PAM: variants seen among roughly 807,000 people sequenced by gnomAD.
The protein encoded by PAM is peptidyl-glycine alpha-amidating monooxygenase.
In PAM, 72 loss-of-function variants were observed where a neutral mutation model predicts 122.1. The observed-to-expected ratio is 0.59, with a 90% confidence interval of 0.49 to 0.72. The LOEUF is 0.72. Among genes scored for constraint, PAM ranks in the 30% least tolerant of loss-of-function variants. The probability of loss-of-function intolerance (pLI) is 0.00; values close to 1 mark genes in which losing one functional copy is unlikely to be tolerated. For missense variants in PAM, 1,106 were observed against 1,183.7 expected (o/e 0.93, Z 0.96); for synonymous variants, 389 against 404.4 (o/e 0.96, Z 0.46).
At chr5:102,937,997 A>C (rs1321732960) in intron 7 of PAM, among the ~76,000 whole-genome samples, 2 of 152,158 alleles carry the variant, frequency 1.3e-5, no homozygotes, top group Non-Finnish European at 2.9e-5. Context: ...AGATATTTCT[A>C]AATCAGGTTG....
At chr5:103,007,733 C>G (rs1178841890) in intron 20 of PAM, 76 bp downstream of exon 20, 1 of 892,096 alleles carries the variant, frequency 1.1e-6, no homozygotes, top group East Asian at 2.5e-5. Flanking sequence ...TCTTAATGTG[C>G]TCTTTTTATA....
rs992164109 is a variant in PAM at position 103,019,738 on chromosome 5, A to C, written c.2432-52A>C. 4 of 1,192,334 alleles carry C rather than the reference A, an allele frequency of 3.4e-6. No homozygotes were observed. In the East Asian group the frequency reaches 9.3e-5, roughly 28 times the overall value. The allele number at this position is 1,192,334 out of a possible 1,614,324, so 73.9% of individuals were successfully genotyped here. A position where few individuals can be genotyped will look rare whatever the true frequency, so the allele number is the denominator to read the frequency against. On this transcript the variant is annotated intron_variant, in intron 22 of 25. Coordinates refer to ENST00000438793, the MANE Select transcript of PAM (RefSeq NM_001177306.2). ...ATTAATATCAAAGTTAAATTTTCAA[A>C]TGTTCTTTTTGGAGATTCTGACTTT...
chr5:102,783,796 A>G (rs1759697303), intron 1 of PAM, among the ~76,000 whole-genome samples: 1 of 152,192 alleles, frequency 6.6e-6, no homozygotes, highest in South Asian at 2.1e-4. Flanking sequence ...GTCAGGGAGC[A>G]TACCAGCTGG....
At chr5:102,878,537 C>A (rs1295387254) in intron 3 of PAM, among the ~76,000 whole-genome samples, 1 of 152,042 alleles carries the variant, frequency 6.6e-6, no homozygotes, top group Admixed American at 6.6e-5. Flanking sequence ...GAGCCTCCAG[C>A]AGGTCCTTCA....
chr5:102,758,091 T>C lies in PAM; in HGVS notation c.-374+2743T>C, dbSNP rs1561362745. ...GAATTTTGTTTTTTTTTTTTTTTTTTTTTTTTTTTTTTTTTTTCTTGGGGC... is the reference window on the plus strand; with the variant it reads ...GAATTTTGTTTTTTTTTTTTTTTTTCTTTTTTTTTTTTTTTTTCTTGGGGC... On this transcript the variant is annotated intron_variant, in intron 1 of 25. Transcript: ENST00000438793. Among the ~76,000 whole-genome samples, 10 of 122,504 alleles carry C rather than the reference T, an allele frequency of 8.2e-5. No homozygotes were observed. In the East Asian group the frequency reaches 8.5e-4, roughly 10 times the overall value. The allele number at this position is 122,504 out of a possible 152,430, so 80.4% of individuals were successfully genotyped here.
At chr5:102,870,548 G>A (rs1031896404) in intron 3 of PAM, among the ~76,000 whole-genome samples, 4 of 152,192 alleles carry the variant, frequency 2.6e-5, no homozygotes, top group African/African-American at 9.6e-5. Flanking sequence ...TAGATCCAGT[G>A]AGTCTGGGAA....
chr5:102,997,226 C>A (rs1198954787), intron 16 of PAM, among the ~76,000 whole-genome samples: 1 of 152,004 alleles, frequency 6.6e-6, no homozygotes, highest in Non-Finnish European at 1.5e-5. Context: ...TGATATGTTG[C>A]AAGACAATTT....
At chr5:102,981,269 G>A (rs974840640) in intron 15 of PAM, among the ~76,000 whole-genome samples, 4 of 152,110 alleles carry the variant, frequency 2.6e-5, no homozygotes, top group African/African-American at 9.7e-5. Flanking sequence ...TTTTTTAGAC[G>A]TTGCATATTT....
chr5:102,929,591 T>C (rs1321833896), intron 7 of PAM, among the ~76,000 whole-genome samples: 5 of 152,182 alleles, frequency 3.3e-5, no homozygotes, highest in Non-Finnish European at 1.5e-5. Flanking sequence ...TGGGGAAATG[T>C]TTGGCTTAAG....
chr5:102,990,536 G>T (rs891916008), intron 16 of PAM, 135 bp downstream of exon 16: 1 of 575,782 alleles, frequency 1.7e-6, no homozygotes, highest in African/African-American at 1.9e-5. Context: ...AAATGTATTT[G>T]TCCTTTTAAT....
chr5:102,925,421 T>C (rs1229215734), intron 6 of PAM, among the ~76,000 whole-genome samples: 2 of 152,234 alleles, frequency 1.3e-5, no homozygotes, highest in East Asian at 3.9e-4. Context: ...AACCTAGGTA[T>C]CTAATGTGAT....
At chr5:102,772,095 C>G (rs1264084778) in intron 1 of PAM, among the ~76,000 whole-genome samples, 2 of 152,134 alleles carry the variant, frequency 1.3e-5, no homozygotes, top group African/African-American at 4.8e-5. Flanking sequence ...AGTGCCTCAG[C>G]TTTATCCTTT....
At chr5:102,985,515 C>T (rs999903819) in intron 15 of PAM, among the ~76,000 whole-genome samples, 1 of 151,782 alleles carries the variant, frequency 6.6e-6, no homozygotes, top group African/African-American at 2.4e-5. Flanking sequence ...GAGTAAATTC[C>T]TGGATGCATA....
chr5:102,784,177 G>T (rs1759861200), intron 1 of PAM, among the ~76,000 whole-genome samples: 1 of 152,110 alleles, frequency 6.6e-6, no homozygotes, highest in Non-Finnish European at 1.5e-5. Context: ...ACAGGCGTGA[G>T]CCACCGCGCC....
chr5:102,974,632 A>G, intron 15 of PAM, 196 bp downstream of exon 15: 1 of 450,532 alleles, frequency 2.2e-6, no homozygotes, highest in South Asian at 5.1e-5. Context: ...TTGGTCTATT[A>G]CTGCATAAAT....
intron 14 of PAM, among the ~76,000 whole-genome samples, chr5:102,967,675 T>C (rs1562068996): frequency 6.6e-6 from 1 of 151,592 alleles, no homozygotes; most frequent in Non-Finnish European, 1.5e-5. Flanking sequence ...AATTTGGTCA[T>C]ACATGTAAGG....
intron 1 of PAM, among the ~76,000 whole-genome samples, chr5:102,845,423 G>T (rs796903679): frequency 6.6e-6 from 1 of 152,170 alleles, no homozygotes; most frequent in African/African-American, 2.4e-5. Context: ...AAGTGATGCC[G>T]TGTGGTCAGT....
At chr5:102,895,286 T>C (rs1795895602) in intron 3 of PAM, among the ~76,000 whole-genome samples, 1 of 151,826 alleles carries the variant, frequency 6.6e-6, no homozygotes, top group Non-Finnish European at 1.5e-5. Context: ...TATTTCTTCT[T>C]TGTAGCACTT....
At position 102,925,020 on chromosome 5, in the gene PAM, TC is replaced by T; in HGVS notation, c.425del (p.Pro142LeufsTer54). ...TTCTGTATGCCTGGGCGAGAAATGC[TC>T]CCCCTACCCGGCTCCCCAAAGGTAT... is the stretch of plus-strand genomic sequence containing the variant. ...NILYAWARNA[P>X]PTRLPKGVGF... On this transcript the variant is annotated frameshift_variant, in exon 6 of 26. Transcript: ENST00000438793. LOFTEE classifies it high-confidence loss of function. 1 of 1,581,586 alleles carries T rather than the reference TC, an allele frequency of 6.3e-7. No homozygotes were observed. Among genetic ancestry groups the T allele is most frequent in the Non-Finnish European group, 8.7e-7 (1 of 1,150,248 alleles).
Sources: allele counts gnomAD v4.1 joint callset (sites outside exome capture counted in the v4.1 genomes callset), GRCh38; gene constraint gnomAD v4.1.1; transcripts MANE v1.5; gene names NCBI Gene and HGNC (gene_info 2026-07-23, HGNC 2026-07-21).